Variants in RAP1GAP observed in about 807,000 individuals in gnomAD.
The protein encoded by RAP1GAP is RAP1 GTPase activating protein.
Under a neutral mutation model 87.2 loss-of-function variants are expected in RAP1GAP, and 35 were observed. That is an observed-to-expected ratio of 0.40 (90% confidence interval 0.31 to 0.53). The LOEUF (loss-of-function observed/expected upper bound fraction) is 0.53. Ranked by LOEUF, RAP1GAP falls within the 20% of genes least tolerant of loss-of-function variation. The pLI is 0.48. For missense variants in RAP1GAP, 734 were observed against 898.9 expected (o/e 0.82, Z 2.35); for synonymous variants, 375 against 363.9 (o/e 1.03, Z -0.35).
At chr1:21,651,766 C>T (rs1184536099) in intron 1 of RAP1GAP, 3 of 1,447,342 alleles carry the variant, frequency 2.1e-6, no homozygotes, top group South Asian at 2.7e-5. Context: ...CCCCGCGCCG[C>T]GCCACGCCCT....
At chr1:21,620,460 C>G (rs1006198964) in intron 3 of RAP1GAP, among the ~76,000 whole-genome samples, 1 of 152,238 alleles carries the variant, frequency 6.6e-6, no homozygotes, top group African/African-American at 2.4e-5. Context: ...CAGGCCACAG[C>G]CCACTGCTCA....
At chr1:21,647,141 G>A (rs2096128922) in intron 2 of RAP1GAP, among the ~76,000 whole-genome samples, 1 of 152,168 alleles carries the variant, frequency 6.6e-6, no homozygotes, top group South Asian at 2.1e-4. Flanking sequence ...CCATGTGGAG[G>A]ACAGAGACAT....
chr1:21,597,238 C>G lies in RAP1GAP; in HGVS notation c.*61G>C, dbSNP rs1440847549. On this transcript the variant is annotated 3_prime_UTR_variant, in exon 25 of 25. Transcript: ENST00000374765. ...CGTCTGCCTGGGCTTGACACGGCAC[C>G]TTCCCCTTGTGCTTCTGTGGCCTCA... is the stretch of plus-strand genomic sequence containing the variant. 1.9e-5 allele frequency: 3 copies of G among 159,290 alleles called. No individual in the cohort carries two copies. Among genetic ancestry groups the G allele is most frequent in the Non-Finnish European group, 4.2e-5 (3 of 72,220 alleles). The allele number at this position is 159,290 out of a possible 1,614,324, so 9.9% of individuals were successfully genotyped here. A position where few individuals can be genotyped will look rare whatever the true frequency, so the allele number is the denominator to read the frequency against.
chr1:21,614,061 G>T lies in RAP1GAP; in HGVS notation c.320C>A (p.Ala107Asp), dbSNP rs931339053. ...TGAGAAGACAAGGTGGCCGAGGGCA[G>T]CGTCCAGTGAGTAGTAATTGAAATG... ...KEHFNYYSLDAALGHLVFSLK... is the reference protein window; with the variant it reads ...KEHFNYYSLDDALGHLVFSLK... Residue 107 changes from alanine (A) to aspartate (D), a missense_variant, in exon 8 of 25, where the codon GCT (alanine) becomes GAT (aspartate). Physicochemically the swap from Ala to Asp is moderately radical, Grantham distance 126. Transcript: ENST00000374765. 6.2e-7 allele frequency: 1 copy of T among 1,610,860 alleles called. No homozygotes were observed.
chr1:21,650,497 C>T (rs560541375), intron 1 of RAP1GAP, among the ~76,000 whole-genome samples: 1 of 152,356 alleles, frequency 6.6e-6, no homozygotes, highest in East Asian at 1.9e-4. Context: ...CCGCTGGGGG[C>T]AGGGGCTGAG....
At chr1:21,652,164 C>G (rs1435285378) in intron 1 of RAP1GAP, among the ~76,000 whole-genome samples, 3 of 150,926 alleles carry the variant, frequency 2.0e-5, no homozygotes, top group African/African-American at 7.3e-5. Flanking sequence ...GAGGGACGCC[C>G]TCCTCCCGCC....
At chr1:21,642,912 ACACT>A (rs1161490067) in intron 2 of RAP1GAP, among the ~76,000 whole-genome samples, 1 of 149,756 alleles carries the variant, frequency 6.7e-6, no homozygotes, top group African/African-American at 2.5e-5. Flanking sequence ...ACACACACAC[ACACT>A]GCCACTTGGC....
In RAP1GAP at chr1:21,610,106, C is replaced by A. The variant is rs745802727; in HGVS notation, c.999+14G>T. 6.2e-7 allele frequency: 1 copy of A among 1,612,998 alleles called. No individual in the cohort carries two copies. The highest frequency in any genetic ancestry group is 8.5e-7 in the Non-Finnish European group (1 of 1,179,568). Reference sequence around the variant, plus strand: ...CCCTTGCTGATGCCCCTGGGAGGCTCCAAGAGCGCCCACCTTGTAGAGGGG... The same window carrying A: ...CCCTTGCTGATGCCCCTGGGAGGCTACAAGAGCGCCCACCTTGTAGAGGGG... On this transcript the variant is annotated intron_variant, in intron 14 of 24. Transcript: ENST00000374765.
intron 1 of RAP1GAP, among the ~76,000 whole-genome samples, chr1:21,660,198 G>A (rs2097064042): frequency 6.6e-6 from 1 of 150,708 alleles, no homozygotes; most frequent in Non-Finnish European, 1.5e-5. Context: ...TTAATAACCC[G>A]TTGCTTGGCT....
chr1:21,604,112 C>A (rs1558624790), intron 18 of RAP1GAP, among the ~76,000 whole-genome samples: 1 of 151,890 alleles, frequency 6.6e-6, no homozygotes, highest in African/African-American at 2.4e-5. Context: ...CAAGGAGAGA[C>A]AGAGGACAAG....
intron 1 of RAP1GAP, among the ~76,000 whole-genome samples, chr1:21,654,400 T>C (rs1005396910): frequency 6.6e-6 from 1 of 152,204 alleles, no homozygotes; most frequent in African/African-American, 2.4e-5. Context: ...GAGCCTCAGT[T>C]TTTTCATCTG....
At chr1:21,655,191 T>C (rs571693658) in intron 1 of RAP1GAP, among the ~76,000 whole-genome samples, 1 of 152,300 alleles carries the variant, frequency 6.6e-6, no homozygotes, top group Non-Finnish European at 1.5e-5. Context: ...AGCATCATTT[T>C]TATTAGGCTA....
At chr1:21,639,486 G>A (rs1298197054) in intron 2 of RAP1GAP, among the ~76,000 whole-genome samples, 1 of 152,228 alleles carries the variant, frequency 6.6e-6, no homozygotes, top group Non-Finnish European at 1.5e-5. Context: ...AGCTCTAGCT[G>A]TGTGGCCTAG....
chr1:21,660,332 AACTCAGCTATATATATTTATT>A (rs2097072831), intron 1 of RAP1GAP, among the ~76,000 whole-genome samples: 1 of 25,624 alleles, frequency 3.9e-5, no homozygotes, highest in Admixed American at 6.1e-4. Context: ...AGTGGGTTCC[AACTCAGCTATATATATTTATT>A]GAGACAGTCT....
rs558497888 is a variant in RAP1GAP at position 21,606,922 on chromosome 1, G to C, written c.1297-725C>G. 4.1e-4 allele frequency among the ~76,000 whole-genome samples: 63 copies of C among 152,276 alleles called. 1 individual carries two copies. In the South Asian group the frequency reaches 0.01, roughly 25 times the overall value. On this transcript the variant is annotated intron_variant, in intron 17 of 24. Transcript: ENST00000374765. ...GCACCTACCAGATGTGGGACCATCG[G>C]AGCCCTCCTCAAAGGAGACACCCCA...
chr1:21,652,835 C>T (rs2096671349), intron 1 of RAP1GAP, among the ~76,000 whole-genome samples: 1 of 152,220 alleles, frequency 6.6e-6, no homozygotes, highest in Non-Finnish European at 1.5e-5. Flanking sequence ...TGCCCTCCAG[C>T]CCAACACCCA....
chr1:21,636,679 C>A (rs894884797), intron 2 of RAP1GAP, among the ~76,000 whole-genome samples: 2 of 151,636 alleles, frequency 1.3e-5, no homozygotes, highest in African/African-American at 4.8e-5. Flanking sequence ...TGGTAGCGCA[C>A]GCCTGTAATC....
Position 21,598,502 on chromosome 1 carries a change from C to G in RAP1GAP, c.1777G>C (p.Glu593Gln). ...GGTGTTCCTGAGGATGACACGCTCT[C>G]CTGGGGAGGGGGTGGAAAGAGGGAG... Reference protein sequence around the residue: ...EGVDGEDTGLESVSSSGTPHK... With the variant: ...EGVDGEDTGLQSVSSSGTPHK... The change falls in exon 22 of 25, where the codon GAG becomes CAG. Residue 593 changes from glutamate to glutamine, a missense_variant and splice_region_variant. Glu to Gln is a conservative substitution (Grantham distance 29, BLOSUM62 2). Coordinates refer to ENST00000374765, the MANE Select transcript of RAP1GAP (RefSeq NM_002885.4). The G allele has an allele frequency of 6.2e-7, 1 of 1,611,220 alleles. No individual in the cohort carries two copies. The highest frequency in any genetic ancestry group is 8.5e-7 in the Non-Finnish European group (1 of 1,177,550).
In RAP1GAP at chr1:21,613,934, T is replaced by G; in HGVS notation, c.395+52A>C. 2.1e-6 allele frequency: 3 copies of G among 1,411,476 alleles called. No individual in the cohort carries two copies. The highest frequency in any genetic ancestry group is 2.4e-5 in the East Asian group (1 of 42,116). 87.4% of individuals were successfully genotyped at this position (1,411,476 alleles called of 1,614,324 possible). A position where few individuals can be genotyped will look rare whatever the true frequency, so the allele number is the denominator to read the frequency against. The stretch of plus-strand genomic sequence containing the variant: ...GGGTCAAATGAGATGGGCTCTGAGA[T>G]TGTAAGACCTCAGCCCTTCCTGCCA... On this transcript the variant is annotated intron_variant, in intron 8 of 24. Transcript: ENST00000374765. The surrounding 1 kb of genome is among the most constrained non-coding windows in gnomAD (Gnocchi z 4.7).
Sources: allele counts gnomAD v4.1 joint callset (sites outside exome capture counted in the v4.1 genomes callset), GRCh38; gene constraint gnomAD v4.1.1; non-coding constraint Gnocchi (gnomAD v3.1); transcripts MANE v1.5; gene names NCBI Gene and HGNC (gene_info 2026-07-23, HGNC 2026-07-21).